Variants in SDK1 observed in about 807,000 individuals in gnomAD.
SDK1 encodes the protein sidekick cell adhesion molecule 1.
SDK1 carries 157 observed loss-of-function variants against 245.5 expected under a neutral mutation model. That is an observed-to-expected ratio of 0.64 (90% CI 0.56 to 0.73). The LOEUF (loss-of-function observed/expected upper bound fraction) is 0.73, where lower values mean the gene tolerates loss of function less well. Ranked by LOEUF, SDK1 falls within the 30% of genes least tolerant of loss-of-function variation. SDK1 has a pLI of 0.00. For missense variants in SDK1, 3,583 were observed against 3,002.3 expected (o/e 1.19, Z -4.52); for synonymous variants, 1,647 against 1,278.5 (o/e 1.29, Z -6.15).
At chr7:3,334,728 G>T (rs901731952) in intron 1 of SDK1, among the ~76,000 whole-genome samples, 1 of 152,040 alleles carries the variant, frequency 6.6e-6, no homozygotes, top group Non-Finnish European at 1.5e-5. Context: ...TCCTTATTCT[G>T]TTCTTGACTT....
intron 4 of SDK1, among the ~76,000 whole-genome samples, chr7:3,651,043 A>G (rs1782998074): frequency 6.6e-6 from 1 of 151,794 alleles, no homozygotes. Flanking sequence ...TTTTCTGTGC[A>G]TGAACATAAG....
chr7:3,946,174 GT>G (rs1331025899), intron 5 of SDK1, among the ~76,000 whole-genome samples: 1 of 149,850 alleles, frequency 6.7e-6, no homozygotes, highest in African/African-American at 2.5e-5. Flanking sequence ...ACTTAGACAC[GT>G]TTTATTTTAT....
At chr7:3,930,420 C>T (rs868321998) in intron 5 of SDK1, among the ~76,000 whole-genome samples, 4 of 152,140 alleles carry the variant, frequency 2.6e-5, no homozygotes, top group South Asian at 2.1e-4. Flanking sequence ...AGCTGAATCA[C>T]GTACACACAC....
At chr7:4,019,552 A>G (rs573390146) in intron 17 of SDK1, among the ~76,000 whole-genome samples, 154 of 152,274 alleles carry the variant, frequency 1.0e-3, no homozygotes, top group Non-Finnish European at 2.0e-3. Flanking sequence ...ACTTTTTCCC[A>G]TATGTGATGA....
At chr7:4,194,238 A>G (rs867738498) in intron 35 of SDK1, among the ~76,000 whole-genome samples, 4 of 151,014 alleles carry the variant, frequency 2.6e-5, no homozygotes, top group African/African-American at 9.8e-5. Flanking sequence ...ATGTGTATAC[A>G]TGTATAGATA....
chr7:4,065,902 G>T (rs1305432747), intron 19 of SDK1, among the ~76,000 whole-genome samples: 1 of 151,806 alleles, frequency 6.6e-6, no homozygotes, highest in African/African-American at 2.4e-5. Context: ...AGGAATCCTG[G>T]ATACTCTTTC....
chr7:4,118,443 G>A (rs1783854803), intron 25 of SDK1, among the ~76,000 whole-genome samples: 1 of 152,164 alleles, frequency 6.6e-6, no homozygotes, highest in Admixed American at 6.5e-5. Context: ...GGTATTGGTG[G>A]GCATAGAGAA....
chr7:3,863,024 C>A (rs1780733997), intron 5 of SDK1, among the ~76,000 whole-genome samples: 2 of 152,196 alleles, frequency 1.3e-5, no homozygotes, highest in Non-Finnish European at 2.9e-5. Context: ...TCCTGCTGTG[C>A]ATCCCAGTTC....
chr7:4,146,151 C>G (rs141554200), intron 29 of SDK1, among the ~76,000 whole-genome samples: 1 of 133,828 alleles, frequency 7.5e-6, no homozygotes, highest in African/African-American at 2.7e-5. Context: ...CACGTGAGCA[C>G]TGCGTTCACA....
At chr7:3,424,233 T>A (rs1337166808) in intron 1 of SDK1, among the ~76,000 whole-genome samples, 1 of 152,190 alleles carries the variant, frequency 6.6e-6, no homozygotes, top group Non-Finnish European at 1.5e-5. Flanking sequence ...ATTTTAGGAA[T>A]GTTGTATTAT....
chr7:3,318,362 CTG>C (rs1295207600), intron 1 of SDK1, among the ~76,000 whole-genome samples: 7 of 152,190 alleles, frequency 4.6e-5, no homozygotes, highest in East Asian at 1.9e-4. Context: ...AATCACTTGT[CTG>C]TGTTTCAGGT....
chr7:4,113,512 C>T, intron 24 of SDK1, 73 bp downstream of exon 24: 1 of 1,519,746 alleles, frequency 6.6e-7, no homozygotes, highest in South Asian at 1.2e-5. Flanking sequence ...TAATCCAGGG[C>T]TTAGGAGTTT....
intron 1 of SDK1, among the ~76,000 whole-genome samples, chr7:3,316,446 G>C (rs1232302867): frequency 6.6e-6 from 1 of 152,176 alleles, no homozygotes; most frequent in Non-Finnish European, 1.5e-5. Context: ...TTGTGTAAGT[G>C]ATGTCTGTGA....
At chr7:3,903,650 G>A (rs1781867685) in intron 5 of SDK1, among the ~76,000 whole-genome samples, 1 of 152,124 alleles carries the variant, frequency 6.6e-6, no homozygotes, top group African/African-American at 2.4e-5. Flanking sequence ...GAAAGCATAT[G>A]TTCACTCAAA....
In SDK1 at chr7:3,641,878, C is replaced by G. The variant is rs566423128; in HGVS notation, c.566-80C>G. On this transcript the variant is annotated intron_variant, in intron 3 of 44. Coordinates refer to ENST00000404826, the MANE Select transcript of SDK1 (RefSeq NM_152744.4). ...CAGCATCAGTGACTTTACTGTAACA[C>G]TTACCTGTTTCCATCTGTGACCCCT... 5.6e-5 allele frequency: 66 copies of G among 1,183,346 alleles called. No individual in the cohort carries two copies. The Admixed American group carries it at 9.3e-4, about 17-fold the overall frequency. The allele number at this position is 1,183,346 out of a possible 1,614,324, so 73.3% of individuals were successfully genotyped here.
At chr7:3,800,350 T>TTTACTTAC (rs1192541356) in intron 4 of SDK1, among the ~76,000 whole-genome samples, 1 of 151,502 alleles carries the variant, frequency 6.6e-6, no homozygotes, top group African/African-American at 2.4e-5. Context: ...ATCGCCATCT[T>TTTACTTAC]TTACTTACTT....
At chr7:3,741,628 A>G (rs1779476579) in intron 4 of SDK1, among the ~76,000 whole-genome samples, 2 of 152,232 alleles carry the variant, frequency 1.3e-5, no homozygotes, top group African/African-American at 2.4e-5. Flanking sequence ...TGTAAATTGC[A>G]TAAAGCCTTT....
chr7:3,759,665 C>G (rs927964711), intron 4 of SDK1, among the ~76,000 whole-genome samples: 2 of 151,502 alleles, frequency 1.3e-5, no homozygotes, highest in Non-Finnish European at 2.9e-5. Flanking sequence ...AGCCTTAGCT[C>G]ATTGCAACCT....
At chr7:3,586,732 G>A (rs976672595) in intron 1 of SDK1, among the ~76,000 whole-genome samples, 1 of 151,564 alleles carries the variant, frequency 6.6e-6, no homozygotes, top group Non-Finnish European at 1.5e-5. Context: ...AGAAATAGAG[G>A]ACAGAAGCAA....
Sources: allele counts gnomAD v4.1 joint callset (sites outside exome capture counted in the v4.1 genomes callset), GRCh38; gene constraint gnomAD v4.1.1; transcripts MANE v1.5; gene names NCBI Gene and HGNC (gene_info 2026-07-23, HGNC 2026-07-21).